The following DLGAP1 variants were observed in gnomAD, a reference collection of about 807,000 sequenced individuals.
The protein encoded by DLGAP1 is DLG associated protein 1, also known as disks large-associated protein 1.
In DLGAP1, 11 loss-of-function variants were observed where a neutral mutation model predicts 90.8. The observed-to-expected ratio is 0.12, with a 90% CI of 0.08 to 0.20. The LOEUF (loss-of-function observed/expected upper bound fraction) is 0.20. Among genes scored for constraint, DLGAP1 ranks in the 10% least tolerant of loss-of-function variants. The probability of loss-of-function intolerance (pLI) is 1.00; values close to 1 mark genes in which losing one functional copy is unlikely to be tolerated. For missense variants in DLGAP1, 1,050 were observed against 1,333.8 expected (o/e 0.79, Z 3.31); for synonymous variants, 558 against 540.7 (o/e 1.03, Z -0.44).
rs143439535 is a variant in DLGAP1, at chr18:3,581,921, T to C, written c.1919A>G (p.Lys640Arg). 3.1e-6 allele frequency: 5 copies of C among 1,614,230 alleles called. No individual in the cohort carries two copies. The highest frequency in any genetic ancestry group is 3.4e-6 in the Non-Finnish European group (4 of 1,180,044). ...TIATVTTEDRKKDHFKKNRCL... is the reference protein window; with the variant it reads ...TIATVTTEDRRKDHFKKNRCL... Reference sequence around the variant, plus strand: ...TCGATTTTTCTTAAAGTGGTCCTTCTTCCTGTCCTCCGTGGTGACGGTGGC... The same window carrying C: ...TCGATTTTTCTTAAAGTGGTCCTTCCTCCTGTCCTCCGTGGTGACGGTGGC... Residue 640 changes from lysine (K) to arginine (R), a missense_variant, in exon 8 of 13, where the codon AAG (lysine) becomes AGG (arginine). Transcript: ENST00000315677.
chr18:4,372,870 G>A (rs1598305093), intron 1 of DLGAP1, among the ~76,000 whole-genome samples: 3 of 152,030 alleles, frequency 2.0e-5, no homozygotes. Context: ...AGAGGTTGCC[G>A]TGAGCCGAGA....
intron 6 of DLGAP1, among the ~76,000 whole-genome samples, chr18:3,741,200 A>AATCACCACCACCACCACCAC (rs2062987939): frequency 2.4e-5 from 1 of 42,426 alleles, no homozygotes; most frequent in Non-Finnish European, 4.7e-5. Flanking sequence ...ACCACCACCA[A>AATCACCACCACCACCACCAC]ATCACCACCA....
rs2049698372 is a variant in DLGAP1 at position 3,496,461 on chromosome 18, C to T, written c.*2724G>A. 1 of 152,024 alleles carries T rather than the reference C, an allele frequency of 6.6e-6. No homozygotes were observed. The highest frequency in any genetic ancestry group is 1.5e-5 in the Non-Finnish European group (1 of 68,012). 9.4% of individuals were successfully genotyped at this position (152,024 alleles called of 1,614,324 possible). A position where few individuals can be genotyped will look rare whatever the true frequency, so the allele number is the denominator to read the frequency against. ...AATATTAAAAATCTTTAATCCATTT[C>T]TTCATCTCTCTTTACAAAAAGGTTA... On this transcript the variant is annotated 3_prime_UTR_variant, in exon 13 of 13. Transcript: ENST00000315677.
intron 2 of DLGAP1, among the ~76,000 whole-genome samples, chr18:4,022,499 A>G (rs977576183): frequency 2.0e-5 from 3 of 152,078 alleles, no homozygotes; most frequent in African/African-American, 7.2e-5. Flanking sequence ...ACTGTGGCAT[A>G]AGTATCTTCT....
chr18:4,405,687 C>A (rs1025656020), intron 1 of DLGAP1, among the ~76,000 whole-genome samples: 1 of 152,100 alleles, frequency 6.6e-6, no homozygotes, highest in Admixed American at 6.6e-5. Context: ...TGTTTCTCAC[C>A]TAACTGACTT....
chr18:3,590,106 C>T (rs937705074), intron 7 of DLGAP1, among the ~76,000 whole-genome samples: 2 of 152,258 alleles, frequency 1.3e-5, no homozygotes, highest in South Asian at 2.1e-4. Context: ...GATGGGGTTT[C>T]ACCATGTTGG....
intron 7 of DLGAP1, among the ~76,000 whole-genome samples, chr18:3,616,771 C>G (rs1301129191): frequency 6.6e-6 from 1 of 151,380 alleles, no homozygotes; most frequent in East Asian, 1.9e-4. Flanking sequence ...CAAAAAGAAA[C>G]AAACAAACTG....
At chr18:3,726,015 G>A (rs8094713) in intron 7 of DLGAP1, among the ~76,000 whole-genome samples, 1,808 of 152,312 alleles carry the variant, frequency 0.012, 47 homozygotes, top group African/African-American at 0.042. Flanking sequence ...GGGCTGACCC[G>A]AATGTCAAAG....
chr18:4,327,238 T>C (rs978170015), intron 1 of DLGAP1, among the ~76,000 whole-genome samples: 14 of 152,062 alleles, frequency 9.2e-5, no homozygotes, highest in African/African-American at 2.9e-4. Flanking sequence ...AAAGAAAAGA[T>C]AGTATGTGAG....
At chr18:4,060,408 CA>C (rs1173288111) in intron 2 of DLGAP1, among the ~76,000 whole-genome samples, 1 of 152,124 alleles carries the variant, frequency 6.6e-6, no homozygotes, top group Admixed American at 6.5e-5. Context: ...TAATATTTAC[CA>C]ACCTCTGAAT....
intron 3 of DLGAP1, among the ~76,000 whole-genome samples, chr18:3,888,858 C>T (rs1306211085): frequency 1.3e-5 from 2 of 152,178 alleles, no homozygotes; most frequent in Non-Finnish European, 2.9e-5. Context: ...TATGCCTGTG[C>T]TGACTCTATG....
At chr18:4,119,181 T>G (rs1336879842) in intron 2 of DLGAP1, among the ~76,000 whole-genome samples, 1 of 152,182 alleles carries the variant, frequency 6.6e-6, no homozygotes, top group East Asian at 1.9e-4. Context: ...AGCCTCGAAC[T>G]TCTGGGCTCA....
chr18:4,055,554 G>A (rs1248424415), intron 2 of DLGAP1, among the ~76,000 whole-genome samples: 5 of 151,746 alleles, frequency 3.3e-5, no homozygotes, highest in Non-Finnish European at 7.4e-5. Flanking sequence ...TTTTTTTGTT[G>A]TTGTTCCTGC....
chr18:3,870,036 A>G (rs1203123734), intron 4 of DLGAP1, among the ~76,000 whole-genome samples: 1 of 152,206 alleles, frequency 6.6e-6, no homozygotes, highest in Non-Finnish European at 1.5e-5. Flanking sequence ...CCTGAATCCC[A>G]TATTTTCATC....
chr18:4,078,215 C>A (rs1256173152), intron 2 of DLGAP1, among the ~76,000 whole-genome samples: 2 of 152,124 alleles, frequency 1.3e-5, no homozygotes, highest in African/African-American at 4.8e-5. Context: ...TTATTCTGTA[C>A]AACTGATAAC....
In DLGAP1 at chr18:3,879,332, T is replaced by C; in HGVS notation, c.737A>G (p.Gln246Arg). Residue 246 changes from glutamine (Q) to arginine (R), a missense_variant, in exon 4 of 13, where the codon CAG becomes CGG. Gln to Arg is a conservative substitution (Grantham distance 43, BLOSUM62 1). Transcript: ENST00000315677. This position sits in a 1 kb window ranked among gnomAD's most constrained non-coding sequence, Gnocchi z 6.6. ...FLEAYNTISE[Q>R]AVKASRSNND... ...GTTGCTCCGGGAGGCCTTCACCGCC[T>C]GCTCGCTGATGGTGTTGTAGGCCTC... The C allele has an allele frequency of 6.2e-7, 1 of 1,606,384 alleles. No individual in the cohort carries two copies. Among genetic ancestry groups the C allele is most frequent in the Non-Finnish European group, 8.5e-7 (1 of 1,175,842 alleles).
chr18:4,274,727 C>T (rs973093750), intron 1 of DLGAP1, among the ~76,000 whole-genome samples: 1 of 152,110 alleles, frequency 6.6e-6, no homozygotes, highest in Non-Finnish European at 1.5e-5. Flanking sequence ...AAAACCACAA[C>T]AATTGAGTAT....
chr18:4,364,346 T>A (rs1381068056), intron 1 of DLGAP1, among the ~76,000 whole-genome samples: 1 of 151,172 alleles, frequency 6.6e-6, no homozygotes, highest in Non-Finnish European at 1.5e-5. Context: ...GCATGGCACA[T>A]GTATACATAT....
chr18:3,808,520 G>A (rs747381222), intron 5 of DLGAP1, among the ~76,000 whole-genome samples: 3 of 152,098 alleles, frequency 2.0e-5, no homozygotes, highest in East Asian at 1.9e-4. Context: ...GCTATTATAC[G>A]TTACAATGAT....
Sources: gnomAD v4.1 joint callset for allele counts (sites outside exome capture counted in the v4.1 genomes callset) on GRCh38, gnomAD v4.1.1 for gene constraint, Gnocchi (gnomAD v3.1) non-coding constraint, MANE v1.5 for transcripts, NCBI Gene and HGNC (gene_info 2026-07-23, HGNC 2026-07-21) for gene names.